The following EPM2A variants were observed in gnomAD, a reference collection of about 807,000 sequenced individuals.
EPM2A encodes EPM2A glucan phosphatase, laforin.
Under a neutral mutation model 26.5 loss-of-function variants are expected in EPM2A, and 21 were observed. The observed-to-expected ratio is 0.79, with a 90% CI of 0.56 to 1.14. EPM2A has a LOEUF of 1.14. Among genes scored for constraint, EPM2A ranks in the 50% most tolerant of loss-of-function variants. The probability of loss-of-function intolerance (pLI) is 0.00; values close to 1 mark genes in which losing one functional copy is unlikely to be tolerated. For synonymous variants in EPM2A, 217 were observed against 177.6 expected, an observed-to-expected ratio of 1.22 and a Z score of -1.76; for missense variants, 458 against 440.8, an observed-to-expected ratio of 1.04 and a Z score of -0.35.
intron 2 of EPM2A, among the ~76,000 whole-genome samples, chr6:145,564,610 T>C (rs749407048): frequency 7.2e-5 from 11 of 152,348 alleles, no homozygotes; most frequent in Non-Finnish European, 1.2e-4. Context: ...TTACACAAAA[T>C]CTGCTCCTAA....
chr6:145,698,608 TAG>T (rs2128623609), intron 1 of EPM2A, among the ~76,000 whole-genome samples: 1 of 100,062 alleles, frequency 1.0e-5, no homozygotes, highest in East Asian at 3.6e-4. Flanking sequence ...AGAAACATAA[TAG>T]AAAAAAAAAA....
chr6:145,453,032 A>G (rs924063678), intron 4 of EPM2A, among the ~76,000 whole-genome samples: 15 of 152,160 alleles, frequency 9.9e-5, no homozygotes, highest in Non-Finnish European at 2.2e-4. Flanking sequence ...GTATATTGTA[A>G]CATGTAACTA....
At chr6:145,715,537 C>A (rs190903230) in intron 1 of EPM2A, among the ~76,000 whole-genome samples, 1 of 152,194 alleles carries the variant, frequency 6.6e-6, no homozygotes. Context: ...GGGGTCCCAA[C>A]CTCTGGCCAA....
chr6:145,473,677 A>G (rs1779505014), intron 4 of EPM2A, among the ~76,000 whole-genome samples: 1 of 152,152 alleles, frequency 6.6e-6, no homozygotes, highest in Non-Finnish European at 1.5e-5. Flanking sequence ...GAAAAGAAAC[A>G]AATAATATAT....
intron 4 of EPM2A, among the ~76,000 whole-genome samples, chr6:145,481,757 A>C (rs1779613624): frequency 6.6e-6 from 1 of 152,180 alleles, no homozygotes; most frequent in Non-Finnish European, 1.5e-5. Flanking sequence ...TATTATATAG[A>C]AATGATAACT....
chr6:145,713,148 G>T (rs762470531), intron 1 of EPM2A, among the ~76,000 whole-genome samples: 1 of 152,104 alleles, frequency 6.6e-6, no homozygotes, highest in African/African-American at 2.4e-5. Flanking sequence ...CTGAATCTGA[G>T]ATTTCTTTAC....
At chr6:145,391,621 C>G (rs576776401) in intron 4 of EPM2A, among the ~76,000 whole-genome samples, 1 of 152,278 alleles carries the variant, frequency 6.6e-6, no homozygotes, top group Non-Finnish European at 1.5e-5. Context: ...CTTTTCCTCC[C>G]TCGAAGTGCC....
intron 2 of EPM2A, among the ~76,000 whole-genome samples, chr6:145,657,435 C>G (rs1440907074): frequency 6.6e-6 from 1 of 152,090 alleles, no homozygotes; most frequent in African/African-American, 2.4e-5. Flanking sequence ...GATTATTTTT[C>G]CAGGCATGCA....
intron 2 of EPM2A, among the ~76,000 whole-genome samples, chr6:145,510,771 C>T (rs566556310): frequency 5.9e-5 from 9 of 152,030 alleles, no homozygotes; most frequent in African/African-American, 2.2e-4. Context: ...TAGAGCAGAA[C>T]TAAATGAAAT....
At chr6:145,564,773 T>A (rs371396838) in intron 2 of EPM2A, among the ~76,000 whole-genome samples, 3 of 26,300 alleles carry the variant, frequency 1.1e-4, no homozygotes, top group African/African-American at 4.2e-4. Context: ...GGGTATATGG[T>A]GGGGGGGGGC....
chr6:145,463,213 T>C (rs1250278509), intron 4 of EPM2A: 3 of 152,056 alleles, frequency 2.0e-5, no homozygotes, highest in African/African-American at 7.2e-5. Context: ...TCTTTTTTTT[T>C]TGTTTTTACT....
At chr6:145,451,259 G>C (rs1446761052) in intron 4 of EPM2A, among the ~76,000 whole-genome samples, 1 of 152,160 alleles carries the variant, frequency 6.6e-6, no homozygotes, top group African/African-American at 2.4e-5. Context: ...ACATGGGAAG[G>C]AAAGGTCTGT....
At chr6:145,591,539 A>G (rs948640364) in intron 2 of EPM2A, among the ~76,000 whole-genome samples, 12 of 152,204 alleles carry the variant, frequency 7.9e-5, no homozygotes, top group African/African-American at 2.9e-4. Flanking sequence ...AAAAGAGTGC[A>G]GTAAAGTATT....
At chr6:145,671,322 T>C in intron 2 of EPM2A, 2 of 1,014,870 alleles carry the variant, frequency 2.0e-6, no homozygotes, top group Non-Finnish European at 2.4e-6. Flanking sequence ...TTGAGTTGAA[T>C]GTACGTCTTG....
At chr6:145,716,163 T>A (rs1267722579) in intron 1 of EPM2A, among the ~76,000 whole-genome samples, 1 of 152,200 alleles carries the variant, frequency 6.6e-6, no homozygotes, top group African/African-American at 2.4e-5. Context: ...TTTTGCTTTT[T>A]AGAATTTTGC....
At chr6:145,550,741 T>C (rs1780643853) in intron 2 of EPM2A, among the ~76,000 whole-genome samples, 1 of 152,078 alleles carries the variant, frequency 6.6e-6, no homozygotes, top group Non-Finnish European at 1.5e-5. Flanking sequence ...CTACTTCCAC[T>C]TTATGAATAG....
At chr6:145,733,983 C>T (rs1437612582) in intron 1 of EPM2A, among the ~76,000 whole-genome samples, 1 of 152,140 alleles carries the variant, frequency 6.6e-6, no homozygotes, top group African/African-American at 2.4e-5. Flanking sequence ...TCAATTCAGA[C>T]ACTGTTGGCG....
intron 2 of EPM2A, among the ~76,000 whole-genome samples, chr6:145,536,634 C>G (rs1205576163): frequency 1.3e-5 from 2 of 152,156 alleles, no homozygotes; most frequent in Admixed American, 1.3e-4. Context: ...CTCATTCACA[C>G]AAACCTGGGC....
intron 2 of EPM2A, among the ~76,000 whole-genome samples, chr6:145,585,544 T>C (rs1430112272): frequency 6.6e-6 from 1 of 152,150 alleles, no homozygotes; most frequent in African/African-American, 2.4e-5. Context: ...TTTTCATTTC[T>C]AGATGTCTAT....
Sources: gnomAD v4.1 joint callset for allele counts (sites outside exome capture counted in the v4.1 genomes callset) on GRCh38, gnomAD v4.1.1 for gene constraint, MANE v1.5 for transcripts, NCBI Gene and HGNC (gene_info 2026-07-23, HGNC 2026-07-21) for gene names.